CCDC171: variants seen among roughly 807,000 people sequenced by gnomAD.
CCDC171 encodes the protein coiled-coil domain-containing protein 171.
A neutral mutation model predicts 168.2 loss-of-function variants in CCDC171; 177 were observed. The ratio of observed to expected loss-of-function variants is 1.05; its 90% CI spans 0.93 to 1.19. The LOEUF is 1.19. Ranked by LOEUF, CCDC171 falls within the 50% of genes most tolerant of loss-of-function variation. CCDC171 has a pLI of 0.00. For synonymous variants in CCDC171, 687 were observed against 540.8 expected (o/e 1.27, Z -3.75); for missense variants, 1,991 against 1,539.0 (o/e 1.29, Z -4.91).
intron 18 of CCDC171, among the ~76,000 whole-genome samples, chr9:15,752,201 G>C (rs1181427318): frequency 6.6e-6 from 1 of 152,148 alleles, no homozygotes; most frequent in Admixed American, 6.5e-5. Flanking sequence ...AAACCACAAC[G>C]AGTTACCATC....
At chr9:16,021,195 C>T (rs187339338) in intron 4 of CCDC171, among the ~76,000 whole-genome samples, 7 of 152,328 alleles carry the variant, frequency 4.6e-5, no homozygotes, top group Non-Finnish European at 2.9e-5. Context: ...TCAGGTGACT[C>T]TCCTGCCTCA....
chr9:16,085,716 A>G, the CCDC171 span, among the ~76,000 whole-genome samples: 25 of 152,222 alleles, frequency 1.6e-4, no homozygotes, highest in Non-Finnish European at 2.8e-4. Flanking sequence ...ACAAACAAAC[A>G]TGAACATTAT....
At chr9:15,627,859 T>C (rs774857321) in intron 7 of CCDC171, among the ~76,000 whole-genome samples, 1 of 152,172 alleles carries the variant, frequency 6.6e-6, no homozygotes, top group Non-Finnish European at 1.5e-5. Flanking sequence ...CTGAGTTCAA[T>C]TCCTGGATAT....
intron 6 of CCDC171, among the ~76,000 whole-genome samples, chr9:15,609,424 A>T (rs2043488726): frequency 6.6e-6 from 1 of 152,130 alleles, no homozygotes; most frequent in Non-Finnish European, 1.5e-5. Flanking sequence ...TTAAATTTTA[A>T]TGTAGTTGAA....
Position 15,685,124 on chromosome 9 carries a change from A to G in CCDC171, c.1215+6228A>G, listed in dbSNP as rs565904227. On this transcript the variant is annotated intron_variant, in intron 10 of 25. Transcript: ENST00000380701. ...TAGAATTATAGCGTTTGTTGAGTCA[A>G]CAATTTATCATTAACCTAAACTTAT... Among the ~76,000 whole-genome samples, 88 of 152,346 alleles carry G rather than the reference A, an allele frequency of 5.8e-4. 1 individual carries two copies. The Middle Eastern group carries it at 0.01, about 18-fold the overall frequency.
chr9:15,691,290 G>C (rs923407487), intron 10 of CCDC171, among the ~76,000 whole-genome samples: 1 of 151,750 alleles, frequency 6.6e-6, no homozygotes, highest in Non-Finnish European at 1.5e-5. Flanking sequence ...GACGTGGAGA[G>C]ATGTGAAACA....
chr9:15,578,654 A>T (rs1287137330), intron 3 of CCDC171, among the ~76,000 whole-genome samples, 195 bp from the exon 4 acceptor site: 3 of 151,006 alleles, frequency 2.0e-5, no homozygotes, highest in Admixed American at 6.6e-5. Context: ...CCTCTAGTGG[A>T]TTCTCTAAAA....
At chr9:15,993,515 A>G (rs974125443) in intron 3 of CCDC171, among the ~76,000 whole-genome samples, 19 of 152,238 alleles carry the variant, frequency 1.2e-4, no homozygotes, top group African/African-American at 2.7e-4. Flanking sequence ...AGGCAGTACC[A>G]TTCAGGACAT....
chr9:15,738,979 C>T (rs1266639051), intron 16 of CCDC171, among the ~76,000 whole-genome samples: 1 of 152,116 alleles, frequency 6.6e-6, no homozygotes, highest in Non-Finnish European at 1.5e-5. Context: ...TAAATACCTA[C>T]AGAGTATAGA....
chr9:15,688,050 C>A lies in CCDC171; in HGVS notation c.1216-7185C>A, dbSNP rs180866802. 3.3e-3 allele frequency among the ~76,000 whole-genome samples: 475 copies of A among 143,092 alleles called. 2 individuals carry two copies. Among genetic ancestry groups the A allele is most frequent in the Middle Eastern group, 0.011 (3 of 266 alleles). The allele number at this position is 143,092 out of a possible 152,430, so 93.9% of individuals were successfully genotyped here. On this transcript the variant is annotated intron_variant, in intron 10 of 25. Transcript: ENST00000380701. ...AGGAGAATCGCTTGAACCTGGGAGGCGGAGGTTGTGGTGAGCTGAGATGGC... is the reference window on the plus strand; with the variant it reads ...AGGAGAATCGCTTGAACCTGGGAGGAGGAGGTTGTGGTGAGCTGAGATGGC...
chr9:15,841,364 G>A (rs1474082648), intron 21 of CCDC171, among the ~76,000 whole-genome samples: 1 of 152,024 alleles, frequency 6.6e-6, no homozygotes, highest in Admixed American at 6.6e-5. Context: ...GACGTTACAT[G>A]TAGAAGTGTA....
chr9:15,795,378 G>A (rs1428656804), intron 21 of CCDC171, among the ~76,000 whole-genome samples: 3 of 152,144 alleles, frequency 2.0e-5, no homozygotes. Context: ...TTGCATTGGG[G>A]ATTAAGATTT....
chr9:16,106,460 A>G, the CCDC171 span, among the ~76,000 whole-genome samples: 5 of 152,264 alleles, frequency 3.3e-5, no homozygotes, highest in East Asian at 9.7e-4. Flanking sequence ...CTCCCAACCC[A>G]GTGCAATTCC....
chr9:15,614,030 G>C (rs1484632396), intron 6 of CCDC171, among the ~76,000 whole-genome samples: 1 of 152,182 alleles, frequency 6.6e-6, no homozygotes, highest in Admixed American at 6.6e-5. Flanking sequence ...CCTTTGCTGA[G>C]TGGTTCTTTC....
chr9:15,958,613 T>A (rs1045729978), intron 25 of CCDC171, among the ~76,000 whole-genome samples: 1 of 151,116 alleles, frequency 6.6e-6, no homozygotes, highest in African/African-American at 2.4e-5. Flanking sequence ...ATACCTGAGG[T>A]AAGCTTTGAC....
At chr9:15,935,803 A>G (rs1827042345) in intron 25 of CCDC171, among the ~76,000 whole-genome samples, 1 of 152,092 alleles carries the variant, frequency 6.6e-6, no homozygotes, top group Non-Finnish European at 1.5e-5. Flanking sequence ...TTTGAAAATT[A>G]TAGTAATTTG....
intron 9 of CCDC171, 25 bp downstream of exon 9, chr9:15,666,348 CTAAAT>C (rs754314751): frequency 2.8e-5 from 42 of 1,514,848 alleles, no homozygotes; most frequent in Non-Finnish European, 3.8e-5. Flanking sequence ...GTAAAATTCT[CTAAAT>C]TAACATAAAG....
intron 21 of CCDC171, among the ~76,000 whole-genome samples, chr9:15,798,693 T>C (rs979690868): frequency 6.6e-6 from 1 of 152,186 alleles, no homozygotes; most frequent in African/African-American, 2.4e-5. Flanking sequence ...TATTAAAATA[T>C]TGTCTGTGGC....
intron 21 of CCDC171, among the ~76,000 whole-genome samples, chr9:15,796,300 A>T (rs2058552660): frequency 6.6e-6 from 1 of 152,174 alleles, no homozygotes; most frequent in South Asian, 2.1e-4. Flanking sequence ...CTCCAGGGGG[A>T]CAAAATGATG....
Sources: allele counts gnomAD v4.1 joint callset (sites outside exome capture counted in the v4.1 genomes callset), GRCh38; gene constraint gnomAD v4.1.1; transcripts MANE v1.5; gene names NCBI Gene and HGNC (gene_info 2026-07-23, HGNC 2026-07-21).